CACNG3: variants seen among roughly 807,000 people sequenced by gnomAD.
CACNG3 encodes calcium voltage-gated channel auxiliary subunit gamma 3, also known as voltage-dependent calcium channel gamma-3 subunit.
A neutral mutation model predicts 28.5 loss-of-function variants in CACNG3; 3 were observed. The observed-to-expected ratio is 0.11, with a 90% CI of 0.05 to 0.27. CACNG3 has a LOEUF of 0.27. Among genes scored for constraint, CACNG3 ranks in the 10% least tolerant of loss-of-function variants. The probability of loss-of-function intolerance (pLI) is 1.00; values close to 1 mark genes in which losing one functional copy is unlikely to be tolerated. For synonymous variants in CACNG3, 174 were observed against 162.2 expected, an observed-to-expected ratio of 1.07 and a Z score of -0.55; for missense variants, 236 against 414.4, an observed-to-expected ratio of 0.57 and a Z score of 3.74.
intron 2 of CACNG3, among the ~76,000 whole-genome samples, chr16:24,354,386 G>T (rs1420360255): frequency 6.6e-6 from 1 of 152,094 alleles, no homozygotes; most frequent in Non-Finnish European, 1.5e-5. Flanking sequence ...TTGTGTCCGT[G>T]CCTGGGCTCC....
At chr16:24,316,864 AC>A (rs1288448117) in intron 1 of CACNG3, among the ~76,000 whole-genome samples, 2 of 152,184 alleles carry the variant, frequency 1.3e-5, no homozygotes, top group Non-Finnish European at 2.9e-5. Context: ...TTTCAAAAAG[AC>A]CTTTGTTCAA....
intron 1 of CACNG3, among the ~76,000 whole-genome samples, chr16:24,303,990 A>G (rs1191949854): frequency 2.4e-4 from 37 of 152,228 alleles, no homozygotes; most frequent in Admixed American, 2.4e-3. Flanking sequence ...TGAGCCCAGG[A>G]GTTCAAGTCC....
At chr16:24,332,302 G>A (rs1899641569) in intron 1 of CACNG3, among the ~76,000 whole-genome samples, 1 of 152,000 alleles carries the variant, frequency 6.6e-6, no homozygotes, top group Admixed American at 6.6e-5. Context: ...CTCTACAAAA[G>A]TAAAATAAAA....
rs547947052 is a variant in CACNG3, at chr16:24,303,628, C to T, written c.212-43106C>T. ...TGCAGTTACCTTGTTTCTGTATTTG[C>T]TTGCGAAGTGGTTGGTTTCCTTCAC... On this transcript the variant is annotated intron_variant, in intron 1 of 3. Transcript: ENST00000005284. 2.6e-5 allele frequency among the ~76,000 whole-genome samples: 4 copies of T among 151,370 alleles called. 1 individual carries two copies. In the South Asian group the frequency reaches 8.3e-4, roughly 32 times the overall value.
intron 1 of CACNG3, 54 bp downstream of exon 1, chr16:24,257,019 T>C: frequency 8.8e-7 from 1 of 1,141,032 alleles, no homozygotes; most frequent in East Asian, 2.4e-5. Flanking sequence ...GATATTCTGG[T>C]GGGTGTTTGG....
At chr16:24,317,560 AAG>A (rs1325091335) in intron 1 of CACNG3, among the ~76,000 whole-genome samples, 325 of 28,480 alleles carry the variant, frequency 0.011, 8 homozygotes, top group Admixed American at 0.037. Context: ...AAGAAAAAGA[AAG>A]AAAGAAAGAA....
chr16:24,330,528 A>AG (rs1300804770), intron 1 of CACNG3, among the ~76,000 whole-genome samples: 2 of 152,258 alleles, frequency 1.3e-5, no homozygotes, highest in African/African-American at 4.8e-5. Context: ...TCTGCTATGC[A>AG]TCAGAATCTT....
At chr16:24,343,827 C>A (rs1406404947) in intron 1 of CACNG3, among the ~76,000 whole-genome samples, 1 of 152,146 alleles carries the variant, frequency 6.6e-6, no homozygotes, top group Non-Finnish European at 1.5e-5. Context: ...CAGTGGCTCA[C>A]ACCTGTAATC....
chr16:24,353,756 G>C (rs1346804485), intron 2 of CACNG3, among the ~76,000 whole-genome samples: 1 of 152,142 alleles, frequency 6.6e-6, no homozygotes, highest in Non-Finnish European at 1.5e-5. Flanking sequence ...GTATTCAATG[G>C]GTGTTGTCAT....
intron 1 of CACNG3, among the ~76,000 whole-genome samples, chr16:24,281,826 C>T (rs923052738): frequency 6.6e-6 from 1 of 152,228 alleles, no homozygotes; most frequent in Non-Finnish European, 1.5e-5. Flanking sequence ...GTGCTATTGT[C>T]ATCACTCTTT....
chr16:24,339,208 A>G (rs981358314), intron 1 of CACNG3, among the ~76,000 whole-genome samples: 4 of 152,088 alleles, frequency 2.6e-5, no homozygotes, highest in Non-Finnish European at 5.9e-5. Flanking sequence ...TTTTCTTTGT[A>G]TTATTTCTCT....
intron 1 of CACNG3, among the ~76,000 whole-genome samples, chr16:24,272,122 TA>T (rs60800771): frequency 0.52 from 77,262 of 149,256 alleles, 20,195 homozygotes; most frequent in Non-Finnish European, 0.56. Flanking sequence ...TCTTTAACTT[TA>T]AAAAAAAAAG....
chr16:24,260,005 A>G (rs911764275), intron 1 of CACNG3, among the ~76,000 whole-genome samples: 9 of 152,222 alleles, frequency 5.9e-5, no homozygotes, highest in African/African-American at 1.9e-4. Context: ...GTTAAAGCCA[A>G]CATGTATTGG....
At chr16:24,324,887 G>A (rs574442077) in intron 1 of CACNG3, among the ~76,000 whole-genome samples, 197 of 152,118 alleles carry the variant, frequency 1.3e-3, no homozygotes, top group Admixed American at 5.2e-3. Context: ...GTTTCTTTCC[G>A]CTTTCAACTC....
chr16:24,271,438 C>T (rs1255484282), intron 1 of CACNG3, among the ~76,000 whole-genome samples: 1 of 152,106 alleles, frequency 6.6e-6, no homozygotes, highest in Non-Finnish European at 1.5e-5. Context: ...CCAAATCTTG[C>T]AAAGCTCCTA....
chr16:24,320,722 T>C (rs192953294), intron 1 of CACNG3, among the ~76,000 whole-genome samples: 3 of 152,036 alleles, frequency 2.0e-5, no homozygotes, highest in African/African-American at 7.2e-5. Flanking sequence ...AATTCATACG[T>C]TTTTCTTATT....
intron 1 of CACNG3, among the ~76,000 whole-genome samples, chr16:24,286,911 C>T (rs1230010716): frequency 1.3e-5 from 2 of 152,198 alleles, no homozygotes; most frequent in African/African-American, 2.4e-5. Flanking sequence ...CAGAGCCACA[C>T]CTTGCCTCCT....
chr16:24,320,300 C>G (rs1462819863), intron 1 of CACNG3, among the ~76,000 whole-genome samples: 1 of 152,142 alleles, frequency 6.6e-6, no homozygotes, highest in Non-Finnish European at 1.5e-5. Flanking sequence ...CCGGGCAGCA[C>G]CCTGCAGTCA....
intron 1 of CACNG3, among the ~76,000 whole-genome samples, chr16:24,278,201 T>A (rs1476642428): frequency 2.0e-5 from 3 of 152,032 alleles, no homozygotes; most frequent in African/African-American, 7.3e-5. Context: ...AAATCATCAG[T>A]GGTAAAAGGC....
Sources: allele counts gnomAD v4.1 joint callset (sites outside exome capture counted in the v4.1 genomes callset), GRCh38; gene constraint gnomAD v4.1.1; transcripts MANE v1.5; gene names NCBI Gene and HGNC (gene_info 2026-07-23, HGNC 2026-07-21).